The following PCDHGA9 variants were observed in gnomAD, a reference collection of about 807,000 sequenced individuals.
The protein encoded by PCDHGA9 is protocadherin gamma subfamily A, 9.
Under a neutral mutation model 62.5 loss-of-function variants are expected in PCDHGA9, and 37 were observed. The observed-to-expected ratio is 0.59, with a 90% CI of 0.46 to 0.78. PCDHGA9 has a LOEUF of 0.78. PCDHGA9 is among the 30% of genes least tolerant of loss of function. The probability of loss-of-function intolerance (pLI) is 0.00; values close to 1 mark genes in which losing one functional copy is unlikely to be tolerated. For missense variants in PCDHGA9, 1,138 were observed against 1,166.2 expected (o/e 0.98, Z 0.35); for synonymous variants, 459 against 484.6 (o/e 0.95, Z 0.69).
At position 141,432,395 on chromosome 5, in the gene PCDHGA9, G is replaced by A; in HGVS notation, c.2424+27019G>A. 6.2e-7 allele frequency: 1 copy of A among 1,614,240 alleles called. No individual in the cohort carries two copies. ...CGGGCACCCGCCCCTCAGCAGCAAC[G>A]TGTCGTTGAGCCTGTTCGTGCTGGA... On this transcript the variant is annotated intron_variant, in intron 1 of 3. Coordinates refer to ENST00000573521, the MANE Select transcript of PCDHGA9 (RefSeq NM_018921.3). This position sits in a 1 kb window ranked among gnomAD's most constrained non-coding sequence, Gnocchi z 6.0.
At chr5:141,504,147 T>C (rs2099836026) in intron 2 of PCDHGA9, among the ~76,000 whole-genome samples, 1 of 152,198 alleles carries the variant, frequency 6.6e-6, no homozygotes, top group South Asian at 2.1e-4. Flanking sequence ...CCCCTGCAAA[T>C]TGAAATAATT....
At chr5:141,426,922 T>C in intron 1 of PCDHGA9, 1 of 456,720 alleles carries the variant, frequency 2.2e-6, no homozygotes, top group Non-Finnish European at 4.4e-6. Flanking sequence ...CTGGAAGCAA[T>C]GGACATGGGT....
chr5:141,508,721 G>A (rs1266581528), intron 3 of PCDHGA9, among the ~76,000 whole-genome samples: 1 of 151,930 alleles, frequency 6.6e-6, no homozygotes, highest in Non-Finnish European at 1.5e-5. Flanking sequence ...TCTGTGTGCA[G>A]GGAGACTACA....
rs761106133 is a variant in PCDHGA9 at position 141,432,117 on chromosome 5, C to A, written c.2424+26741C>A. 1 of 1,614,180 alleles carries A rather than the reference C, an allele frequency of 6.2e-7. No individual in the cohort carries two copies. Among genetic ancestry groups the A allele is most frequent in the Admixed American group, 1.7e-5 (1 of 60,024 alleles). ...ACCAACGACAACCCGCCGGTCTTCC[C>A]TCAGGCCTCCTATTCCGCTTATATC... On this transcript the variant is annotated intron_variant, in intron 1 of 3. Transcript: ENST00000573521. The surrounding 1 kb of genome is among the most constrained non-coding windows in gnomAD (Gnocchi z 6.0).
chr5:141,418,016 G>C (rs772945671), intron 1 of PCDHGA9: 1 of 1,613,968 alleles, frequency 6.2e-7, no homozygotes, highest in Non-Finnish European at 8.5e-7. Context: ...CCTCGCTAAG[G>C]ATCTAGGGCT....
rs189767695 is a variant in PCDHGA9, at chr5:141,497,247, T to C, written c.2483+2382T>C. Among the ~76,000 whole-genome samples the C allele has an allele frequency of 2.0e-5, 3 of 151,456 alleles. No individual in the cohort carries two copies. The East Asian group carries it at 5.8e-4, about 29-fold the overall frequency. ...ATCAGAGAAGGCTTCTAGGAGGAGGTGACATTGAGAAGTTCTAGGCCATTT... is the reference window on the plus strand; with the variant it reads ...ATCAGAGAAGGCTTCTAGGAGGAGGCGACATTGAGAAGTTCTAGGCCATTT... On this transcript the variant is annotated intron_variant, in intron 2 of 3. Transcript: ENST00000573521.
In PCDHGA9 at chr5:141,432,361, G is replaced by A; in HGVS notation, c.2424+26985G>A. 1 of 1,614,230 alleles carries A rather than the reference G, an allele frequency of 6.2e-7. No individual in the cohort carries two copies. Among genetic ancestry groups the A allele is most frequent in the Non-Finnish European group, 8.5e-7 (1 of 1,180,050 alleles). On this transcript the variant is annotated intron_variant, in intron 1 of 3. Coordinates refer to ENST00000573521, the MANE Select transcript of PCDHGA9 (RefSeq NM_018921.3). The surrounding 1 kb of genome is among the most constrained non-coding windows in gnomAD (Gnocchi z 6.0). Reference sequence around the variant, plus strand: ...GAGACTTGCAAGTGAAAGTGATGGCGCGGGACAACGGGCACCCGCCCCTCA... The same window carrying A: ...GAGACTTGCAAGTGAAAGTGATGGCACGGGACAACGGGCACCCGCCCCTCA...
At chr5:141,421,930 G>A (rs780569992) in intron 1 of PCDHGA9, 1 of 1,613,480 alleles carries the variant, frequency 6.2e-7, no homozygotes, top group Non-Finnish European at 8.5e-7. Flanking sequence ...GGTGGTCCTC[G>A]ATGTAAATGA....
At chr5:141,423,395 C>G (rs1249200485) in intron 1 of PCDHGA9, 1 of 1,614,060 alleles carries the variant, frequency 6.2e-7, no homozygotes, top group Non-Finnish European at 8.5e-7. Context: ...TGGCATAAGT[C>G]ACGCCTGCTG....
At chr5:141,430,682 C>A (rs2097302907) in intron 1 of PCDHGA9, 1 of 1,361,564 alleles carries the variant, frequency 7.3e-7, no homozygotes, top group South Asian at 1.7e-5. Flanking sequence ...CCAACTGTCC[C>A]ATTCTATGGG....
rs1284989963 is a variant in PCDHGA9 at position 141,419,134 on chromosome 5, A to T, written c.2424+13758A>T. On this transcript the variant is annotated intron_variant, in intron 1 of 3. Transcript: ENST00000573521. ...AGTACAACGTCACCATCGCAGCCAC[A>T]GACAGGGGCAAGCCTCCGTTATCCT... is the stretch of plus-strand genomic sequence containing the variant. 2.5e-6 allele frequency: 4 copies of T among 1,613,826 alleles called. No individual in the cohort carries two copies. In the African/African-American group the frequency reaches 5.3e-5, roughly 22 times the overall value.
At position 141,486,882 on chromosome 5, in the gene PCDHGA9, C is replaced by T; in HGVS notation, c.2425-7925C>T. The T allele has an allele frequency of 6.2e-7, 1 of 1,614,244 alleles. No individual in the cohort carries two copies. The highest frequency in any genetic ancestry group is 1.1e-5 in the South Asian group (1 of 91,086). On this transcript the variant is annotated intron_variant, in intron 1 of 3. Transcript: ENST00000573521. This position sits in a 1 kb window ranked among gnomAD's most constrained non-coding sequence, Gnocchi z 5.0. ...GCTCCAGCTGTGCTCCGTCCTCGGG[C>T]CCGGCCTGGTTCCTTATGTCCCCAA...
chr5:141,488,158 G>A (rs534297140), intron 1 of PCDHGA9, among the ~76,000 whole-genome samples: 4 of 152,328 alleles, frequency 2.6e-5, no homozygotes, highest in South Asian at 2.1e-4. Context: ...AGAGAGGCAC[G>A]CATCAGAGTG....
At chr5:141,435,376 A>G (rs1358757887) in intron 1 of PCDHGA9, among the ~76,000 whole-genome samples, 1 of 152,200 alleles carries the variant, frequency 6.6e-6, no homozygotes, top group Non-Finnish European at 1.5e-5. Flanking sequence ...TAAATATACA[A>G]TATACCGTAT....
In PCDHGA9 at chr5:141,432,877, C is replaced by T. The variant is rs375043811; in HGVS notation, c.2424+27501C>T. 108 of 1,614,082 alleles carry T rather than the reference C, an allele frequency of 6.7e-5. No homozygotes were observed. Among genetic ancestry groups the T allele is most frequent in the Non-Finnish European group, 7.6e-5 (90 of 1,180,018 alleles). On this transcript the variant is annotated intron_variant, in intron 1 of 3. Coordinates refer to ENST00000573521, the MANE Select transcript of PCDHGA9 (RefSeq NM_018921.3). The surrounding 1 kb of genome is among the most constrained non-coding windows in gnomAD (Gnocchi z 6.0). Reference sequence around the variant, plus strand: ...CCGCGGTCTCCTGCGTCTTCCTGGCCTTCGTCATCTTGCTGCTGGCGCTCA... The same window carrying T: ...CCGCGGTCTCCTGCGTCTTCCTGGCTTTCGTCATCTTGCTGCTGGCGCTCA...
rs761350249 is a variant in PCDHGA9 at position 141,418,909 on chromosome 5, G to A, written c.2424+13533G>A. Reference sequence around the variant, plus strand: ...ACAACAGCCCAGAAATAATCATCACGTCACTCTCTGATCAGATTATGGAGG... The same window carrying A: ...ACAACAGCCCAGAAATAATCATCACATCACTCTCTGATCAGATTATGGAGG... On this transcript the variant is annotated intron_variant, in intron 1 of 3. Coordinates refer to ENST00000573521, the MANE Select transcript of PCDHGA9 (RefSeq NM_018921.3). The A allele has an allele frequency of 1.9e-6, 3 of 1,613,906 alleles. No homozygotes were observed. In the Admixed American group the frequency reaches 5.0e-5, roughly 27 times the overall value.
intron 1 of PCDHGA9, among the ~76,000 whole-genome samples, chr5:141,457,904 T>C (rs960822555): frequency 6.0e-5 from 9 of 150,288 alleles, no homozygotes; most frequent in African/African-American, 2.2e-4. Context: ...GTAGACAAGG[T>C]GTGAGGCCAG....
chr5:141,418,125 G>T (rs765373450), intron 1 of PCDHGA9: 7 of 1,613,968 alleles, frequency 4.3e-6, no homozygotes, highest in African/African-American at 2.7e-5. Flanking sequence ...GTGAAGGACC[G>T]AATAGACCGT....
intron 2 of PCDHGA9, among the ~76,000 whole-genome samples, chr5:141,502,124 A>G (rs4912762): frequency 0.55 from 83,213 of 152,012 alleles, 23,486 homozygotes; most frequent in African/African-American, 0.67. Flanking sequence ...CCAGGCCCAC[A>G]GAGCTCAGTC....
Sources: gnomAD v4.1 joint callset for allele counts (sites outside exome capture counted in the v4.1 genomes callset) on GRCh38, gnomAD v4.1.1 for gene constraint, Gnocchi (gnomAD v3.1) non-coding constraint, MANE v1.5 for transcripts, NCBI Gene and HGNC (gene_info 2026-07-23, HGNC 2026-07-21) for gene names.